CADPS2: variants seen among roughly 807,000 people sequenced by gnomAD.
CADPS2 encodes calcium-dependent secretion activator 2.
A neutral mutation model predicts 172.5 loss-of-function variants in CADPS2; 93 were observed. The observed-to-expected ratio is 0.54, with a 90% CI of 0.46 to 0.64. CADPS2 has a LOEUF of 0.64. Among genes scored for constraint, CADPS2 ranks in the 30% least tolerant of loss-of-function variants. CADPS2 has a pLI of 0.00. For missense variants in CADPS2, 1,420 were observed against 1,565.9 expected (o/e 0.91, Z 1.57); for synonymous variants, 546 against 555.2 (o/e 0.98, Z 0.23).
intron 14 of CADPS2, among the ~76,000 whole-genome samples, chr7:122,463,532 G>C (rs2152110429): frequency 6.6e-6 from 1 of 152,192 alleles, no homozygotes; most frequent in African/African-American, 2.4e-5. Context: ...TAATTAAATA[G>C]TACATAAGAC....
At chr7:122,529,056 C>T (rs766238527) in intron 8 of CADPS2, among the ~76,000 whole-genome samples, 38 of 152,018 alleles carry the variant, frequency 2.5e-4, no homozygotes, top group Admixed American at 5.2e-4. Context: ...GGAATGTTTG[C>T]GCCATCTACT....
In CADPS2 at chr7:122,474,459, C is replaced by A. The variant is rs762602401; in HGVS notation, c.1920G>T (p.Lys640Asn). 47 of 1,613,272 alleles carry A rather than the reference C, an allele frequency of 2.9e-5. No homozygotes were observed. The highest frequency in any genetic ancestry group is 3.6e-5 in the Non-Finnish European group (43 of 1,179,642). Residue 640 changes from lysine (K) to asparagine (N), a missense_variant, in exon 13 of 30, where the codon AAG becomes AAT. By Grantham distance (94) the Lys-to-Asn change is moderately conservative. Transcript: ENST00000449022. Reference protein sequence around the residue: ...MDEFISANPCKLDHAFLFRIL... With the variant: ...MDEFISANPCNLDHAFLFRIL... ...TTCTAAAAAGGAAGGCATGATCAAG[C>A]TTGCAGGGGTTTGCAGAAATAAACT... is the stretch of plus-strand genomic sequence containing the variant.
At position 122,407,773 on chromosome 7, in the gene CADPS2, A is replaced by C. The variant is rs539703807; in HGVS notation, c.2590-77T>G. 78 of 1,319,128 alleles carry C rather than the reference A, an allele frequency of 5.9e-5. No individual in the cohort carries two copies. In the East Asian group the frequency reaches 1.5e-3, roughly 25 times the overall value. The allele number at this position is 1,319,128 out of a possible 1,614,324, so 81.7% of individuals were successfully genotyped here. ...ATGCACAAGTACTGTGCCAGTTGAA[A>C]ATATTTTATAACATGTCTTAGTTTC... is the stretch of plus-strand genomic sequence containing the variant. On this transcript the variant is annotated intron_variant, in intron 19 of 29. Transcript: ENST00000449022.
intron 8 of CADPS2, among the ~76,000 whole-genome samples, chr7:122,524,528 T>C (rs966558277): frequency 2.0e-5 from 3 of 152,192 alleles, no homozygotes; most frequent in African/African-American, 7.2e-5. Flanking sequence ...CAAATAAATG[T>C]GAGGAATACT....
intron 1 of CADPS2, among the ~76,000 whole-genome samples, chr7:122,802,908 G>T (rs1233725569): frequency 6.6e-6 from 1 of 152,100 alleles, no homozygotes; most frequent in Non-Finnish European, 1.5e-5. Flanking sequence ...AAATTTATGT[G>T]CACAAAAGAC....
At chr7:122,516,125 T>C (rs1467603732) in intron 8 of CADPS2, among the ~76,000 whole-genome samples, 1 of 152,060 alleles carries the variant, frequency 6.6e-6, no homozygotes, top group Non-Finnish European at 1.5e-5. Context: ...GAATTTGTGA[T>C]TGGAACCAAG....
At chr7:122,375,053 CAAAT>C (rs777112071) in intron 25 of CADPS2, among the ~76,000 whole-genome samples, 14 of 152,070 alleles carry the variant, frequency 9.2e-5, no homozygotes, top group South Asian at 6.2e-4. Context: ...AAGCAGACAA[CAAAT>C]AAATAAAAAA....
chr7:122,686,535 T>C lies in CADPS2; in HGVS notation c.454-22966A>G, dbSNP rs769856249. ...CAGATTGCTGCCCCCTCCTCAAGTTTCTGTAAACTCTGCAGTGAGCTTAAG... is the reference window on the plus strand; with the variant it reads ...CAGATTGCTGCCCCCTCCTCAAGTTCCTGTAAACTCTGCAGTGAGCTTAAG... On this transcript the variant is annotated intron_variant, in intron 2 of 29. Coordinates refer to ENST00000449022, the MANE Select transcript of CADPS2 (RefSeq NM_017954.11). 3.9e-5 allele frequency among the ~76,000 whole-genome samples: 6 copies of C among 152,330 alleles called. No homozygotes were observed. The South Asian group carries it at 8.3e-4, about 21-fold the overall frequency.
At chr7:122,339,913 C>T (rs1183290823) in intron 28 of CADPS2, among the ~76,000 whole-genome samples, 3 of 152,086 alleles carry the variant, frequency 2.0e-5, no homozygotes, top group Non-Finnish European at 4.4e-5. Context: ...GGCATTTCCC[C>T]CTTTCTTAAA....
At chr7:122,580,767 C>G (rs1345300857) in intron 7 of CADPS2, among the ~76,000 whole-genome samples, 2 of 152,132 alleles carry the variant, frequency 1.3e-5, no homozygotes, top group Non-Finnish European at 2.9e-5. Context: ...CGGAGATATT[C>G]TGTGATTAAT....
chr7:122,790,070 T>C (rs1794949736), intron 1 of CADPS2, among the ~76,000 whole-genome samples: 1 of 149,474 alleles, frequency 6.7e-6, no homozygotes, highest in Non-Finnish European at 1.5e-5. Context: ...GAGGTCTTTG[T>C]ATCAAAGTTT....
At chr7:122,848,483 C>G (rs1316435013) in intron 1 of CADPS2, among the ~76,000 whole-genome samples, 3 of 152,128 alleles carry the variant, frequency 2.0e-5, no homozygotes, top group Non-Finnish European at 4.4e-5. Context: ...GAGCCAGGAC[C>G]CCCAAAGGCT....
chr7:122,852,802 T>A lies in CADPS2; in HGVS notation c.339+33197A>T, dbSNP rs75090884. Among the ~76,000 whole-genome samples the A allele has an allele frequency of 2.8e-3, 424 of 152,234 alleles. 8 individuals carry two copies. Among genetic ancestry groups the A allele is most frequent in the East Asian group, 0.025 (130 of 5,164 alleles). On this transcript the variant is annotated intron_variant, in intron 1 of 29. Coordinates refer to ENST00000449022, the MANE Select transcript of CADPS2 (RefSeq NM_017954.11). The stretch of plus-strand genomic sequence containing the variant: ...GTGAGATGGAACCCACTGGAGGTCA[T>A]GAACAGAGAAGCAATCCGACTTCTG...
chr7:122,649,237 CT>C (rs2078882227), intron 3 of CADPS2, among the ~76,000 whole-genome samples: 1 of 152,114 alleles, frequency 6.6e-6, no homozygotes, highest in Admixed American at 6.6e-5. Flanking sequence ...TTTGTAAAAG[CT>C]GTTTTCTCCC....
chr7:122,864,720 G>T (rs528691187), intron 1 of CADPS2, among the ~76,000 whole-genome samples: 144 of 152,300 alleles, frequency 9.5e-4, no homozygotes, highest in African/African-American at 2.8e-3. Flanking sequence ...AAAGAGATAT[G>T]TATACTATTT....
chr7:122,850,362 A>G (rs13245302), intron 1 of CADPS2: 71,022 of 374,196 alleles, frequency 0.19, 7,117 homozygotes, highest in Middle Eastern at 0.3. Flanking sequence ...ATCACCACCT[A>G]GGGGGGTGAC....
chr7:122,324,586 C>T (rs1369401144), intron 29 of CADPS2, among the ~76,000 whole-genome samples: 3 of 152,044 alleles, frequency 2.0e-5, no homozygotes, highest in Admixed American at 2.0e-4. Context: ...AGGAATGACA[C>T]TTTGCAAACT....
At chr7:122,649,690 A>G (rs1472063559) in intron 3 of CADPS2, among the ~76,000 whole-genome samples, 1 of 152,142 alleles carries the variant, frequency 6.6e-6, no homozygotes, top group Non-Finnish European at 1.5e-5. Flanking sequence ...TACAGTATAC[A>G]TACTCCCAGT....
At chr7:122,335,392 G>A (rs1469058735) in intron 28 of CADPS2, among the ~76,000 whole-genome samples, 1 of 152,086 alleles carries the variant, frequency 6.6e-6, no homozygotes, top group Non-Finnish European at 1.5e-5. Flanking sequence ...TGGGATACAG[G>A]CATGTGCCAC....
Sources: allele counts gnomAD v4.1 joint callset (sites outside exome capture counted in the v4.1 genomes callset), GRCh38; gene constraint gnomAD v4.1.1; transcripts MANE v1.5; gene names NCBI Gene and HGNC (gene_info 2026-07-23, HGNC 2026-07-21).